SOX6: variants seen among roughly 807,000 people sequenced by gnomAD.
The protein encoded by SOX6 is SRY-box transcription factor 6.
In SOX6, 11 loss-of-function variants were observed where a neutral mutation model predicts 97.8. The ratio of observed to expected loss-of-function variants is 0.11; its 90% CI spans 0.07 to 0.19. The LOEUF (loss-of-function observed/expected upper bound fraction) is 0.19. Among genes scored for constraint, SOX6 ranks in the 10% least tolerant of loss-of-function variants. SOX6 has a pLI of 1.00. For synonymous variants in SOX6, 360 were observed against 371.4 expected (o/e 0.97, Z 0.35); for missense variants, 810 against 1,039.5 (o/e 0.78, Z 3.04).
At chr11:16,270,900 C>T (rs1271894622) in intron 3 of SOX6, among the ~76,000 whole-genome samples, 1 of 151,186 alleles carries the variant, frequency 6.6e-6, no homozygotes, top group Non-Finnish European at 1.5e-5. Flanking sequence ...TTGCTGATTA[C>T]AGAGTTTCTA....
In SOX6 at chr11:16,036,299, G is replaced by A. The variant is rs193153051; in HGVS notation, c.1623+10215C>T. ...TCTCCATGTTAGTCAGGCTGGTCTC[G>A]AACTCCCGACCTCAGGTGATCCACC... On this transcript the variant is annotated intron_variant, in intron 12 of 15. Coordinates refer to ENST00000683767, the MANE Select transcript of SOX6 (RefSeq NM_001367873.1). Among the ~76,000 whole-genome samples, 39 of 152,024 alleles carry A rather than the reference G, an allele frequency of 2.6e-4. 1 individual carries two copies. In the East Asian group the frequency reaches 4.1e-3, roughly 16 times the overall value.
At chr11:16,132,516 T>G (rs1849845986) in intron 6 of SOX6, among the ~76,000 whole-genome samples, 2 of 117,338 alleles carry the variant, frequency 1.7e-5, no homozygotes, top group Admixed American at 8.2e-5. Flanking sequence ...AAGCTTATCT[T>G]TGTATCTAGG....
At chr11:16,658,436 C>T (rs1315956126) in intron 3 of SOX6, among the ~76,000 whole-genome samples, 3 of 152,114 alleles carry the variant, frequency 2.0e-5, no homozygotes, top group Admixed American at 6.5e-5. Context: ...TGGCCAGGTG[C>T]GGTGGCTCAC....
intron 3 of SOX6, among the ~76,000 whole-genome samples, chr11:16,241,119 A>G (rs1317020005): frequency 6.6e-6 from 1 of 152,100 alleles, no homozygotes. Context: ...CCTTTCCTCC[A>G]CAATTCTTTT....
At chr11:16,340,256 G>A (rs909547293) in intron 2 of SOX6, among the ~76,000 whole-genome samples, 1 of 151,838 alleles carries the variant, frequency 6.6e-6, no homozygotes, top group Non-Finnish European at 1.5e-5. Flanking sequence ...AATGCAAAAT[G>A]GGGTTTAAAA....
At position 15,975,008 on chromosome 11, in the gene SOX6, T is replaced by G. The variant is rs1590101041; in HGVS notation, c.2184-1896A>C. Among the ~76,000 whole-genome samples the G allele has an allele frequency of 2.0e-5, 3 of 152,198 alleles. No individual in the cohort carries two copies. The East Asian group carries it at 5.8e-4, about 29-fold the overall frequency. ...TTGAATCCCATCACTCTTTCCTTTA[T>G]AGATATTCAATCTACAGATACACTA... On this transcript the variant is annotated intron_variant, in intron 15 of 15. Coordinates refer to ENST00000683767, the MANE Select transcript of SOX6 (RefSeq NM_001367873.1).
At chr11:16,499,003 T>C (rs1042128648) in intron 4 of SOX6, among the ~76,000 whole-genome samples, 4 of 152,180 alleles carry the variant, frequency 2.6e-5, no homozygotes, top group African/African-American at 9.7e-5. Flanking sequence ...CAACAGAATA[T>C]ACATGCTTTT....
chr11:16,513,764 G>T (rs1860917255), intron 4 of SOX6, among the ~76,000 whole-genome samples: 1 of 152,112 alleles, frequency 6.6e-6, no homozygotes, highest in Admixed American at 6.5e-5. Flanking sequence ...ATTCAAACAA[G>T]AACACCACTA....
At chr11:16,480,252 T>G (rs1446986749), upstream of SOX6, among the ~76,000 whole-genome samples, 1 of 152,122 alleles carries the variant, frequency 6.6e-6, no homozygotes, top group Non-Finnish European at 1.5e-5. Flanking sequence ...ATTATTTAGA[T>G]TTTTTTATAC....
rs1853153040 is a variant in SOX6 at position 15,966,751 on chromosome 11, CT to C, written c.*6057del. On this transcript the variant is annotated 3_prime_UTR_variant, in exon 16 of 16. Transcript: ENST00000683767. ...TGTGTCTTTCAATTTTGTCTTTTCC[CT>C]TAATTATGAGGCAGAGGAGGGGAAG... The C allele has an allele frequency of 6.6e-6, 1 of 152,030 alleles. No individual in the cohort carries two copies. Among genetic ancestry groups the C allele is most frequent in the Non-Finnish European group, 1.5e-5 (1 of 68,022 alleles). 9.4% of individuals were successfully genotyped at this position (152,030 alleles called of 1,614,324 possible).
At chr11:16,370,203 G>T (rs1006639971) in intron 1 of SOX6, among the ~76,000 whole-genome samples, 3 of 152,002 alleles carry the variant, frequency 2.0e-5, no homozygotes, top group African/African-American at 7.2e-5. Context: ...TTTTCCATCA[G>T]CCCCATGGCT....
chr11:16,685,218 A>G (rs1346584294), intron 3 of SOX6, among the ~76,000 whole-genome samples: 1 of 152,138 alleles, frequency 6.6e-6, no homozygotes, highest in Non-Finnish European at 1.5e-5. Context: ...ATAAAAATAA[A>G]TTAAAAAAAA....
At chr11:16,137,845 G>A (rs773298388) in intron 6 of SOX6, among the ~76,000 whole-genome samples, 15 of 152,066 alleles carry the variant, frequency 9.9e-5, no homozygotes, top group Non-Finnish European at 1.8e-4. Context: ...GAGATCTGAT[G>A]GTTTTATAAG....
chr11:16,140,864 A>C (rs1427856177), intron 6 of SOX6, among the ~76,000 whole-genome samples: 2 of 152,220 alleles, frequency 1.3e-5, no homozygotes, highest in African/African-American at 4.8e-5. Context: ...TTTTCAATTT[A>C]AGGATGATCA....
At chr11:16,410,984 GAA>G (rs201866562) in intron 1 of SOX6, among the ~76,000 whole-genome samples, 1 of 130,160 alleles carries the variant, frequency 7.7e-6, no homozygotes. Flanking sequence ...GTGAGTGACT[GAA>G]AAAAAAAAAA....
At chr11:16,570,275 C>A (rs1210537074) in intron 4 of SOX6, among the ~76,000 whole-genome samples, 1 of 152,094 alleles carries the variant, frequency 6.6e-6, no homozygotes, top group East Asian at 1.9e-4. Context: ...TTTCTATCCC[C>A]ATGAGACCTG....
rs1855078519 is a variant in SOX6 at position 16,022,187 on chromosome 11, ATTAC to A, written c.1624-7141_1624-7138del. ...TAACATATCCACTTCTGTTAAAGAT[ATTAC>A]TTAATGTTGCTAAGTATCTCAAAGC... On this transcript the variant is annotated intron_variant, in intron 12 of 15. Coordinates refer to ENST00000683767, the MANE Select transcript of SOX6 (RefSeq NM_001367873.1). 4.6e-5 allele frequency among the ~76,000 whole-genome samples: 7 copies of A among 152,292 alleles called. No homozygotes were observed. The South Asian group carries it at 1.5e-3, about 32-fold the overall frequency.
chr11:16,359,958 C>A (rs967485280), upstream of SOX6, among the ~76,000 whole-genome samples: 3 of 152,128 alleles, frequency 2.0e-5, no homozygotes, highest in African/African-American at 7.2e-5. Flanking sequence ...AGTAATTTGA[C>A]TATGGTTACA....
intron 4 of SOX6, among the ~76,000 whole-genome samples, chr11:16,601,214 A>T (rs1848264997): frequency 6.6e-6 from 1 of 152,160 alleles, no homozygotes; most frequent in Admixed American, 6.5e-5. Context: ...TTGTGAAATA[A>T]CTTGATTAAT....
Sources: gnomAD v4.1 joint callset for allele counts (sites outside exome capture counted in the v4.1 genomes callset) on GRCh38, gnomAD v4.1.1 for gene constraint, MANE v1.5 for transcripts, NCBI Gene and HGNC (gene_info 2026-07-23, HGNC 2026-07-21) for gene names.